Variants in GRAMD1A observed in about 807,000 individuals in gnomAD.
GRAMD1A encodes protein Aster-A.
GRAMD1A carries 50 observed loss-of-function variants against 92.0 expected under a neutral mutation model. The ratio of observed to expected loss-of-function variants is 0.54; its 90% confidence interval spans 0.43 to 0.69. GRAMD1A has a LOEUF of 0.69. Among genes scored for constraint, GRAMD1A ranks in the 30% least tolerant of loss-of-function variants. The probability of loss-of-function intolerance (pLI) is 0.00; values close to 1 mark genes in which losing one functional copy is unlikely to be tolerated. For missense variants in GRAMD1A, 819 were observed against 978.9 expected, an observed-to-expected ratio of 0.84 and a Z score of 2.18; for synonymous variants, 405 against 403.6, an observed-to-expected ratio of 1.00 and a Z score of -0.04.
chr19:35,019,153 G>C (rs1209670472), intron 11 of GRAMD1A, 38 bp from the exon 12 acceptor site: 2 of 1,372,594 alleles, frequency 1.5e-6, no homozygotes. Context: ...GCAAAGGACT[G>C]GGGTGTGGCC....
Position 35,009,898 on chromosome 19 carries a change from C to A in GRAMD1A, c.251C>A (p.Pro84His). 6.2e-7 allele frequency: 1 copy of A among 1,608,094 alleles called. No individual in the cohort carries two copies. Among genetic ancestry groups the A allele is most frequent in the Admixed American group, 1.7e-5 (1 of 60,008 alleles). ...KMQSWYSMLSPTYKQRNEDFR... is the reference protein window; with the variant it reads ...KMQSWYSMLSHTYKQRNEDFR... Reference sequence around the variant, plus strand: ...CTCAAACTTCCTCAGATGCTGAGCCCCACTTATAAGCAGCGTAATGAGGAC... The same window carrying A: ...CTCAAACTTCCTCAGATGCTGAGCCACACTTATAAGCAGCGTAATGAGGAC... Residue 84 changes from proline (P) to histidine (H), a missense_variant, in exon 4 of 20, where the codon CCC becomes CAC. Coordinates refer to ENST00000317991, the MANE Select transcript of GRAMD1A (RefSeq NM_020895.5).
chr19:35,010,644 G>T lies in GRAMD1A; in HGVS notation c.525+265G>T, dbSNP rs557938952. 3 of 588,130 alleles carry T rather than the reference G, an allele frequency of 5.1e-6. No homozygotes were observed. In the Admixed American group the frequency reaches 9.5e-5, roughly 19 times the overall value. 36.4% of individuals were successfully genotyped at this position (588,130 alleles called of 1,614,324 possible). The stretch of plus-strand genomic sequence containing the variant: ...CTTCCATGTATGTGGCACCTCAGCC[G>T]CCCCTCCCTTCGTAAGTCTCCCCGA... On this transcript the variant is annotated intron_variant, in intron 6 of 19. Transcript: ENST00000317991.
chr19:35,007,539 CAG>C (rs1363343377), intron 1 of GRAMD1A, among the ~76,000 whole-genome samples: 3 of 151,744 alleles, frequency 2.0e-5, no homozygotes, highest in African/African-American at 7.3e-5. Flanking sequence ...GCCTGGGCGA[CAG>C]AGAGAGACCC....
At chr19:35,010,043 C>G (rs914057026) in intron 4 of GRAMD1A, 49 bp from the exon 5 acceptor site, 2 of 1,537,508 alleles carry the variant, frequency 1.3e-6, no homozygotes, top group African/African-American at 2.7e-5. Flanking sequence ...CGGGCGCCGG[C>G]TGAGCCTCGT....
upstream of GRAMD1A, chr19:34,996,179 C>T: frequency 6.5e-7 from 1 of 1,535,738 alleles, no homozygotes; most frequent in Non-Finnish European, 8.7e-7. Context: ...CCTGGAGGTG[C>T]CCATCATTCA....
At chr19:35,000,123 CTT>C (rs111528961), upstream of GRAMD1A, 1,382 of 995,492 alleles carry the variant, frequency 1.4e-3, 22 homozygotes, top group African/African-American at 0.022. The surrounding 1 kb of genome is among the most constrained non-coding windows in gnomAD (Gnocchi z 4.9). Context: ...AATAAAGTCT[CTT>C]TGTTTCCTTC....
Position 35,026,093 on chromosome 19 carries a change from A to C in GRAMD1A, c.2127A>C (p.Ser709=). 6.2e-7 allele frequency: 1 copy of C among 1,607,112 alleles called. No individual in the cohort carries two copies. The highest frequency in any genetic ancestry group is 8.5e-7 in the Non-Finnish European group (1 of 1,173,678). ...AGCTGCACCAAGGCATCACAGTCTC[A>C]GACCCTCCCTTTGACACCCAGCCCC... ...LEKLHQGITV[S]DPPFDTQPRP... Residue 709 remains serine, a synonymous_variant, in exon 20 of 20, where the codon TCA becomes TCC. Transcript: ENST00000317991.
intron 11 of GRAMD1A, 47 bp downstream of exon 11, chr19:35,016,014 G>A: frequency 1.3e-6 from 2 of 1,592,332 alleles, no homozygotes; most frequent in South Asian, 1.1e-5. Flanking sequence ...AGGTGCAGGG[G>A]AGGGGTGAGG....
Position 35,013,868 on chromosome 19 carries a change from A to T in GRAMD1A, c.870+177A>T, listed in dbSNP as rs1307199517. ...AGACGGACATGTGACAGGGAAAGAG[A>T]GACAGGGAAGAGAGGGGACAGACAG... On this transcript the variant is annotated intron_variant, in intron 9 of 19. Transcript: ENST00000317991. This position sits in a 1 kb window ranked among gnomAD's most constrained non-coding sequence, Gnocchi z 4.9. Among the ~76,000 whole-genome samples, 1 of 152,004 alleles carries T rather than the reference A, an allele frequency of 6.6e-6. No homozygotes were observed. Among genetic ancestry groups the T allele is most frequent in the Non-Finnish European group, 1.5e-5 (1 of 67,992 alleles).
intron 1 of GRAMD1A, among the ~76,000 whole-genome samples, chr19:35,007,798 G>A (rs8102360): frequency 0.12 from 18,174 of 151,960 alleles, 1,217 homozygotes; most frequent in African/African-American, 0.17. Flanking sequence ...ACTTAAGCCC[G>A]GGAGCTCGAG....
chr19:35,023,336 G>A lies in GRAMD1A; in HGVS notation c.1954G>A (p.Ala652Thr), dbSNP rs1164519549. ...TGAGTCCTGGCACAGCCTGGCCCTG[G>A]CCAAGGGGTGAGTGGGTAGCCTGGG... ...TFESWHSLALAKGKFPQTATE... is the reference protein window; with the variant it reads ...TFESWHSLALTKGKFPQTATE... The change falls in exon 18 of 20, where the codon GCC becomes ACC. Residue 652 changes from alanine to threonine, a missense_variant. Physicochemically the swap from Ala to Thr is moderately conservative, Grantham distance 58. This residue lies in a region of GRAMD1A where 577 missense variants were observed against 674.6 expected (regional missense o/e 0.86). Coordinates refer to ENST00000317991, the MANE Select transcript of GRAMD1A (RefSeq NM_020895.5). 6.2e-7 allele frequency: 1 copy of A among 1,614,082 alleles called. No homozygotes were observed.
intron 16 of GRAMD1A, 42 bp downstream of exon 16, chr19:35,022,080 T>C: frequency 6.9e-7 from 1 of 1,447,670 alleles, no homozygotes. Context: ...GGCCTGAACC[T>C]GCCTCCTGGC....
At chr19:35,014,773 C>T in intron 10 of GRAMD1A, 1 of 221,094 alleles carries the variant, frequency 4.5e-6, no homozygotes, top group Admixed American at 5.1e-5. Flanking sequence ...CACCTGTAAT[C>T]CCAGCACTTT....
Position 35,000,488 on chromosome 19 carries a change from TA to T in GRAMD1A, c.8+4del. ...CCACCGCGCCGCATCCATGTTCGAG[TA>T]AGGACCGGGCGACTAGAGCTCAGGG... On this transcript the variant is annotated splice_donor_region_variant and intron_variant, in intron 1 of 19. Coordinates refer to ENST00000317991, the MANE Select transcript of GRAMD1A (RefSeq NM_020895.5). The surrounding 1 kb of genome is among the most constrained non-coding windows in gnomAD (Gnocchi z 4.9). 7.8e-7 allele frequency: 1 copy of T among 1,277,116 alleles called. No individual in the cohort carries two copies. The highest frequency in any genetic ancestry group is 2.5e-5 in the South Asian group (1 of 40,246). 79.1% of individuals were successfully genotyped at this position (1,277,116 alleles called of 1,614,324 possible). A position where few individuals can be genotyped will look rare whatever the true frequency, so the allele number is the denominator to read the frequency against.
intron 1 of GRAMD1A, 144 bp from the exon 2 acceptor site, chr19:35,008,975 G>C: frequency 1.5e-6 from 1 of 656,442 alleles, no homozygotes; most frequent in Non-Finnish European, 2.8e-6. Flanking sequence ...TGTTCTGAGT[G>C]TCACTGCTGG....
chr19:35,019,570 G>A (rs2015900320), intron 13 of GRAMD1A, 37 bp downstream of exon 13: 4 of 1,604,844 alleles, frequency 2.5e-6, no homozygotes, highest in Non-Finnish European at 3.4e-6. Context: ...CGATGCCCTG[G>A]TGGCCCCAGG....
In GRAMD1A at chr19:35,021,891, G is replaced by C; in HGVS notation, c.1753+27G>C. The C allele has an allele frequency of 6.2e-7, 1 of 1,607,496 alleles. No individual in the cohort carries two copies. The highest frequency in any genetic ancestry group is 1.1e-5 in the South Asian group (1 of 90,358). The stretch of plus-strand genomic sequence containing the variant: ...TACGTTCCGTTGGGGCCGGGTTGGG[G>C]TAGGCGGAGGATCGGGGGTCCTGGA... On this transcript the variant is annotated intron_variant, in intron 15 of 19. Coordinates refer to ENST00000317991, the MANE Select transcript of GRAMD1A (RefSeq NM_020895.5). This position sits in a 1 kb window ranked among gnomAD's most constrained non-coding sequence, Gnocchi z 5.3.
At position 35,000,582 on chromosome 19, in the gene GRAMD1A, C is replaced by T. The variant is rs1250960250; in HGVS notation, c.8+96C>T. Reference sequence around the variant, plus strand: ...GGGCTTGGGGAGGGGGCGGAGCGGCCGCTGCAGAGGTCGGGGGCCTCTGCA... The same window carrying T: ...GGGCTTGGGGAGGGGGCGGAGCGGCTGCTGCAGAGGTCGGGGGCCTCTGCA... On this transcript the variant is annotated intron_variant, in intron 1 of 19. Transcript: ENST00000317991. This position sits in a 1 kb window ranked among gnomAD's most constrained non-coding sequence, Gnocchi z 4.9. The T allele has an allele frequency of 7.2e-6, 6 of 828,182 alleles. No individual in the cohort carries two copies. The highest frequency in any genetic ancestry group is 6.8e-5 in the East Asian group (1 of 14,754). The allele number at this position is 828,182 out of a possible 1,614,324, so 51.3% of individuals were successfully genotyped here.
Position 35,023,321 on chromosome 19 carries a change from C to T in GRAMD1A, c.1939C>T (p.His647Tyr). The stretch of plus-strand genomic sequence containing the variant: ...GACAGCCCACACCTTTGAGTCCTGG[C>T]ACAGCCTGGCCCTGGCCAAGGGGTG... ...ERTAHTFESW[H>Y]SLALAKGKFP... is the part of the protein sequence containing the mutation. The change falls in exon 18 of 20, where the codon CAC becomes TAC. Residue 647 changes from histidine to tyrosine, a missense_variant. Coordinates refer to ENST00000317991, the MANE Select transcript of GRAMD1A (RefSeq NM_020895.5). The T allele has an allele frequency of 2.5e-6, 4 of 1,614,128 alleles. No homozygotes were observed. Among genetic ancestry groups the T allele is most frequent in the Non-Finnish European group, 2.5e-6 (3 of 1,179,946 alleles).
Sources: gnomAD v4.1 joint callset for allele counts (sites outside exome capture counted in the v4.1 genomes callset) on GRCh38, gnomAD v4.1.1 for gene constraint, gnomAD v4.1.1 regional missense constraint, Gnocchi (gnomAD v3.1) non-coding constraint, MANE v1.5 for transcripts, NCBI Gene and HGNC (gene_info 2026-07-23, HGNC 2026-07-21) for gene names.